NCKAP5: variants seen among roughly 807,000 people sequenced by gnomAD.
The protein encoded by NCKAP5 is nck-associated protein 5.
In NCKAP5, 92 loss-of-function variants were observed where a neutral mutation model predicts 167.0. The ratio of observed to expected loss-of-function variants is 0.55; its 90% CI spans 0.47 to 0.66. The LOEUF (loss-of-function observed/expected upper bound fraction) is 0.66, where lower values mean the gene tolerates loss of function less well. Among genes scored for constraint, NCKAP5 ranks in the 30% least tolerant of loss-of-function variants. NCKAP5 has a pLI of 0.00. For synonymous variants in NCKAP5, 891 were observed against 877.4 expected, an observed-to-expected ratio of 1.02 and a Z score of -0.27; for missense variants, 2,378 against 2,315.0, an observed-to-expected ratio of 1.03 and a Z score of -0.56.
At chr2:132,753,797 G>A (rs531056881) in intron 16 of NCKAP5, among the ~76,000 whole-genome samples, 1 of 152,186 alleles carries the variant, frequency 6.6e-6, no homozygotes, top group Non-Finnish European at 1.5e-5. Context: ...CTTGATATTT[G>A]GGTGGCATGC....
At chr2:133,255,675 TG>T (rs1382057801) in intron 4 of NCKAP5, among the ~76,000 whole-genome samples, 1 of 152,216 alleles carries the variant, frequency 6.6e-6, no homozygotes, top group Admixed American at 6.5e-5. Flanking sequence ...GGGTGGGCAG[TG>T]GCAGCTAAGA....
chr2:132,749,871 G>A (rs1385937740), intron 16 of NCKAP5, among the ~76,000 whole-genome samples: 1 of 152,138 alleles, frequency 6.6e-6, no homozygotes, highest in African/African-American at 2.4e-5. Flanking sequence ...GAGCCCTGGA[G>A]GCTAGTATAA....
rs763039067 is a variant in NCKAP5 at position 132,868,967 on chromosome 2, T to C, written c.656A>G (p.Asn219Ser). 6 of 1,544,752 alleles carry C rather than the reference T, an allele frequency of 3.9e-6. No individual in the cohort carries two copies. The highest frequency in any genetic ancestry group is 2.4e-5 in the East Asian group (1 of 41,136). The change falls in exon 10 of 20, where the codon AAC (asparagine) becomes AGC (serine). Residue 219 changes from asparagine to serine, a missense_variant. Physicochemically the swap from Asn to Ser is conservative, Grantham distance 46. Transcript: ENST00000409261. ...QYERCLDEVA[N>S]QVVQALLTQK... ...AGTAAGCAGAGCTTGAACAACTTGG[T>C]TGGCTACCTTTAAAAAATAAAGAAA...
chr2:133,053,615 A>G (rs953253220), intron 6 of NCKAP5, among the ~76,000 whole-genome samples: 14 of 152,202 alleles, frequency 9.2e-5, no homozygotes, highest in Non-Finnish European at 1.5e-4. Context: ...ATGGCCATGC[A>G]AATCAGCACT....
At chr2:132,806,701 T>A (rs1685467427) in intron 11 of NCKAP5, among the ~76,000 whole-genome samples, 1 of 152,228 alleles carries the variant, frequency 6.6e-6, no homozygotes, top group South Asian at 2.1e-4. Flanking sequence ...TTGTGAAGAT[T>A]TCCTCCCACT....
In NCKAP5 at chr2:133,299,891, C is replaced by A. The variant is rs188519345; in HGVS notation, c.143+3146G>T. 1.8e-3 allele frequency among the ~76,000 whole-genome samples: 257 copies of A among 142,428 alleles called. 1 individual carries two copies. Among genetic ancestry groups the A allele is most frequent in the South Asian group, 4.3e-3 (20 of 4,598 alleles). 93.4% of individuals were successfully genotyped at this position (142,428 alleles called of 152,430 possible). ...TTTATTTCATAGACCGCTAGCAAGA[C>A]TAATGAAAAAGAGAGAAGAATCAAA... On this transcript the variant is annotated intron_variant, in intron 4 of 19. Transcript: ENST00000409261.
Position 132,785,360 on chromosome 2 carries a change from G to T in NCKAP5, c.1451C>A (p.Thr484Asn), listed in dbSNP as rs757096441. The T allele has an allele frequency of 3.1e-6, 5 of 1,613,870 alleles. No individual in the cohort carries two copies. The highest frequency in any genetic ancestry group is 1.3e-5 in the African/African-American group (1 of 74,932). ...TGGAACTGCTTGGAGCAATGCTAAGGTGGAAGGGTCATCGTCCGCATCAAC... is the reference window on the plus strand; with the variant it reads ...TGGAACTGCTTGGAGCAATGCTAAGTTGGAAGGGTCATCGTCCGCATCAAC... ...SHVDADDDPS[T>N]LALLQAVPNQ... The change falls in exon 14 of 20, where the codon ACC (threonine) becomes AAC (asparagine). Residue 484 changes from threonine (T) to asparagine (N), a missense_variant. Thr to Asn is a moderately conservative substitution (Grantham distance 65). Coordinates refer to ENST00000409261, the MANE Select transcript of NCKAP5 (RefSeq NM_207363.3).
intron 11 of NCKAP5, among the ~76,000 whole-genome samples, chr2:132,834,097 C>T (rs1336799431): frequency 6.6e-6 from 1 of 152,134 alleles, no homozygotes; most frequent in Non-Finnish European, 1.5e-5. Context: ...TTTAACAAAT[C>T]TAAGAGCTTT....
chr2:133,509,678 T>C lies in NCKAP5; in HGVS notation c.69+7780A>G, dbSNP rs569416254. 3.3e-5 allele frequency among the ~76,000 whole-genome samples: 5 copies of C among 152,350 alleles called. No individual in the cohort carries two copies. The East Asian group carries it at 9.6e-4, about 29-fold the overall frequency. The stretch of plus-strand genomic sequence containing the variant: ...TTCTTCTCAGGGAACATAATGGCCA[T>C]GTCTGGAGACAGTTTTCATTGTCAC... On this transcript the variant is annotated intron_variant, in intron 3 of 19. Transcript: ENST00000409261.
At chr2:132,721,173 C>A (rs1360904798) in intron 19 of NCKAP5, among the ~76,000 whole-genome samples, 2 of 151,436 alleles carry the variant, frequency 1.3e-5, no homozygotes, top group Non-Finnish European at 1.5e-5. Context: ...CCAGACGTGG[C>A]GGTGGGTGCC....
At chr2:132,867,983 T>C (rs1294861182) in intron 10 of NCKAP5, among the ~76,000 whole-genome samples, 1 of 152,178 alleles carries the variant, frequency 6.6e-6, no homozygotes, top group African/African-American at 2.4e-5. Flanking sequence ...CAAGAAAGTC[T>C]AGCAAAAGTA....
At chr2:133,551,376 G>T (rs2104956092) in intron 2 of NCKAP5, among the ~76,000 whole-genome samples, 1 of 140,258 alleles carries the variant, frequency 7.1e-6, no homozygotes, top group African/African-American at 2.7e-5. Flanking sequence ...AAACAGCATG[G>T]TACTGGTACC....
At chr2:133,635,334 T>C in the NCKAP5 span, among the ~76,000 whole-genome samples, 1 of 152,326 alleles carries the variant, frequency 6.6e-6, no homozygotes, top group Non-Finnish European at 1.5e-5. Context: ...ATATATTCAT[T>C]CACTTCCTCC....
At chr2:133,008,850 A>T (rs1437417588) in intron 6 of NCKAP5, among the ~76,000 whole-genome samples, 1 of 152,230 alleles carries the variant, frequency 6.6e-6, no homozygotes, top group Non-Finnish European at 1.5e-5. Flanking sequence ...GGTCTCATGA[A>T]TGTGGATTTT....
chr2:133,531,664 T>C (rs1048547824), intron 2 of NCKAP5, among the ~76,000 whole-genome samples: 2 of 152,216 alleles, frequency 1.3e-5, no homozygotes, highest in African/African-American at 4.8e-5. Context: ...GTAGAATTAG[T>C]AGTAATGTTT....
chr2:132,683,566 C>T (rs1685538330), intron 19 of NCKAP5, among the ~76,000 whole-genome samples: 1 of 152,104 alleles, frequency 6.6e-6, no homozygotes, highest in Non-Finnish European at 1.5e-5. Context: ...GTGCAATAGC[C>T]AATACAATAA....
At chr2:133,486,776 C>G (rs561409283) in intron 3 of NCKAP5, among the ~76,000 whole-genome samples, 1 of 152,254 alleles carries the variant, frequency 6.6e-6, no homozygotes, top group East Asian at 1.9e-4. Context: ...TTATGAGGAG[C>G]TGTTTGTTTT....
chr2:132,878,518 T>C (rs889630953), intron 9 of NCKAP5, among the ~76,000 whole-genome samples: 3 of 152,008 alleles, frequency 2.0e-5, no homozygotes, highest in Non-Finnish European at 4.4e-5. Flanking sequence ...AGAAATAATT[T>C]ATCATGCAGT....
At chr2:132,725,331 T>G (rs1690341805) in intron 19 of NCKAP5, among the ~76,000 whole-genome samples, 3 of 152,216 alleles carry the variant, frequency 2.0e-5, no homozygotes, top group Admixed American at 1.3e-4. Flanking sequence ...TAAGAACAGT[T>G]ATCTTTATAG....
Sources: allele counts gnomAD v4.1 joint callset (sites outside exome capture counted in the v4.1 genomes callset), GRCh38; gene constraint gnomAD v4.1.1; transcripts MANE v1.5; gene names NCBI Gene and HGNC (gene_info 2026-07-23, HGNC 2026-07-21).